The following FGD5 variants were observed in gnomAD, a reference collection of about 807,000 sequenced individuals.
The protein encoded by FGD5 is FYVE, RhoGEF and PH domain-containing protein 5.
FGD5 carries 28 observed loss-of-function variants against 133.4 expected under a neutral mutation model. The ratio of observed to expected loss-of-function variants is 0.21; its 90% confidence interval spans 0.16 to 0.29. The LOEUF (loss-of-function observed/expected upper bound fraction) is 0.29, where lower values mean the gene tolerates loss of function less well. FGD5 is among the 10% of genes least tolerant of loss of function. FGD5 has a pLI of 1.00. For synonymous variants in FGD5, 810 were observed against 776.5 expected, an observed-to-expected ratio of 1.04 and a Z score of -0.72; for missense variants, 1,858 against 1,895.2, an observed-to-expected ratio of 0.98 and a Z score of 0.36.
intron 16 of FGD5, 121 bp from the exon 17 acceptor site, chr3:14,923,887 C>G (rs2038735394): frequency 8.0e-7 from 1 of 1,247,572 alleles, no homozygotes; most frequent in South Asian, 1.4e-5. Flanking sequence ...GCTTGACTTT[C>G]AGGTCCCACT....
Position 14,898,780 on chromosome 3 carries a change from G to T in FGD5, c.3108G>T (p.Leu1036=). 6.3e-7 allele frequency: 1 copy of T among 1,585,040 alleles called. No individual in the cohort carries two copies. The highest frequency in any genetic ancestry group is 8.6e-7 in the Non-Finnish European group (1 of 1,166,436). Residue 1036 remains leucine (L), a synonymous_variant, in exon 7 of 20, where the codon CTG becomes CTT. Transcript: ENST00000285046. ...QGGSQTAKHR[L]LRVVQRLFQY... ...GCAGCCAGACTGCGAAGCATCGGCT[G>T]CTGCGGGTGGTTCAACGCCTCTTCC...
intron 1 of FGD5, among the ~76,000 whole-genome samples, chr3:14,838,957 C>T (rs1465219502): frequency 6.6e-6 from 1 of 152,178 alleles, no homozygotes; most frequent in Non-Finnish European, 1.5e-5. Context: ...TATTCTGGCC[C>T]TGTCTTTGGG....
chr3:14,925,126 A>AAAAAAAAC (rs1203220701), intron 17 of FGD5, among the ~76,000 whole-genome samples: 6 of 127,516 alleles, frequency 4.7e-5, no homozygotes, highest in Non-Finnish European at 8.2e-5. Flanking sequence ...AAAAAAAAAA[A>AAAAAAAAC]AACACATACA....
intron 2 of FGD5, among the ~76,000 whole-genome samples, chr3:14,866,075 A>ACT (rs56738850): frequency 0.093 from 14,142 of 151,640 alleles, 822 homozygotes; most frequent in East Asian, 0.3. Context: ...ACCATGCACA[A>ACT]CTCTGTACCT....
chr3:14,904,074 G>A (rs796904704), intron 9 of FGD5, among the ~76,000 whole-genome samples: 32 of 152,260 alleles, frequency 2.1e-4, no homozygotes, highest in African/African-American at 7.7e-4. Context: ...TCATATGAAG[G>A]GCACATACTA....
intron 1 of FGD5, among the ~76,000 whole-genome samples, chr3:14,844,217 A>AAAAAAAAAAT (rs1559477363): frequency 1.5e-4 from 3 of 20,376 alleles, no homozygotes; most frequent in African/African-American, 4.1e-4. Context: ...AAAAAAAAAA[A>AAAAAAAAAAT]ATATATATAT....
chr3:14,814,056 C>G (rs1039363524), upstream of FGD5, among the ~76,000 whole-genome samples: 1 of 152,122 alleles, frequency 6.6e-6, no homozygotes, highest in South Asian at 2.1e-4. Context: ...GAGTCATCCT[C>G]GGGCATAGCA....
At chr3:14,875,024 G>A (rs940312367) in intron 2 of FGD5, among the ~76,000 whole-genome samples, 7 of 152,146 alleles carry the variant, frequency 4.6e-5, no homozygotes, top group Non-Finnish European at 1.0e-4. Context: ...CTCTCCCTGA[G>A]TACCTGTCTC....
chr3:14,926,449 T>A (rs1283504598), intron 18 of FGD5, among the ~76,000 whole-genome samples: 1 of 152,206 alleles, frequency 6.6e-6, no homozygotes, highest in Non-Finnish European at 1.5e-5. Context: ...TGCCAAGCTG[T>A]GCCGCAAAGT....
chr3:14,875,177 C>T (rs1656433), intron 2 of FGD5, among the ~76,000 whole-genome samples: 21,903 of 152,122 alleles, frequency 0.14, 1,910 homozygotes, highest in East Asian at 0.39. Flanking sequence ...AGCACTCTCC[C>T]GTCTCCAGAT....
intron 7 of FGD5, among the ~76,000 whole-genome samples, chr3:14,900,050 A>C (rs561271023): frequency 4.6e-5 from 7 of 152,282 alleles, no homozygotes; most frequent in South Asian, 2.1e-4. Flanking sequence ...GTATGAATGC[A>C]CTACAGGTTC....
intron 2 of FGD5, among the ~76,000 whole-genome samples, chr3:14,866,122 G>A (rs930793823): frequency 1.3e-5 from 2 of 152,000 alleles, no homozygotes; most frequent in Non-Finnish European, 2.9e-5. Flanking sequence ...ACCCCACCAC[G>A]GTCACTGAGT....
At chr3:14,818,425 T>C (rs1487888611), upstream of FGD5, among the ~76,000 whole-genome samples, 2 of 152,220 alleles carry the variant, frequency 1.3e-5, no homozygotes, top group Non-Finnish European at 2.9e-5. Context: ...CCTCCAGTTG[T>C]TGTAACTCAA....
At chr3:14,894,965 G>A (rs1242557012) in intron 4 of FGD5, among the ~76,000 whole-genome samples, 1 of 152,128 alleles carries the variant, frequency 6.6e-6, no homozygotes. Context: ...TTATGATGTT[G>A]AGCTTTTTTC....
At chr3:14,881,119 G>A (rs527343432) in intron 4 of FGD5, among the ~76,000 whole-genome samples, 2 of 152,286 alleles carry the variant, frequency 1.3e-5, no homozygotes, top group African/African-American at 4.8e-5. Context: ...ATGTGAGTTT[G>A]TGCACCTGTG....
At chr3:14,910,428 T>C (rs1275118564) in intron 10 of FGD5, among the ~76,000 whole-genome samples, 1 of 152,150 alleles carries the variant, frequency 6.6e-6, no homozygotes, top group Non-Finnish European at 1.5e-5. Context: ...TGTTTTGTTT[T>C]TTGAGACAGG....
chr3:14,867,523 G>A (rs948328381), intron 2 of FGD5, among the ~76,000 whole-genome samples: 10 of 152,164 alleles, frequency 6.6e-5, no homozygotes, highest in African/African-American at 2.4e-4. Flanking sequence ...CCAGAGAGCA[G>A]GCATATTTTA....
intron 9 of FGD5, among the ~76,000 whole-genome samples, chr3:14,906,375 A>G (rs567039859): frequency 6.6e-6 from 1 of 152,344 alleles, no homozygotes; most frequent in South Asian, 2.1e-4. Flanking sequence ...ATTGGTGCAC[A>G]GTACTGGGTC....
chr3:14,876,135 T>C (rs1363522896), intron 2 of FGD5, among the ~76,000 whole-genome samples: 1 of 152,098 alleles, frequency 6.6e-6, no homozygotes, highest in African/African-American at 2.4e-5. Flanking sequence ...TGGGGAAGGA[T>C]TGTGTGGACC....
Sources: gnomAD v4.1 joint callset for allele counts (sites outside exome capture counted in the v4.1 genomes callset) on GRCh38, gnomAD v4.1.1 for gene constraint, MANE v1.5 for transcripts, NCBI Gene and HGNC (gene_info 2026-07-23, HGNC 2026-07-21) for gene names.